Variants in ZNF592 observed in about 807,000 individuals in gnomAD.
The protein encoded by ZNF592 is zinc finger protein 592, also known as spinocerebellar ataxia, autosomal recessive 5.
In ZNF592, 11 loss-of-function variants were observed where a neutral mutation model predicts 80.3. The observed-to-expected ratio is 0.14, with a 90% confidence interval of 0.09 to 0.23. The LOEUF is 0.23. ZNF592 is among the 10% of genes least tolerant of loss of function. The pLI, the probability that ZNF592 is intolerant of heterozygous loss-of-function variation, is 1.00. For synonymous variants in ZNF592, 646 were observed against 640.3 expected, an observed-to-expected ratio of 1.01 and a Z score of -0.13; for missense variants, 1,420 against 1,633.9, an observed-to-expected ratio of 0.87 and a Z score of 2.26.
chr15:84,798,985 T>A lies in ZNF592; in HGVS notation c.3024+110T>A, dbSNP rs1963013753. 1 of 1,589,400 alleles carries A rather than the reference T, an allele frequency of 6.3e-7. No individual in the cohort carries two copies. The highest frequency in any genetic ancestry group is 1.3e-5 in the African/African-American group (1 of 74,440). Reference sequence around the variant, plus strand: ...CTTAGGGCAGGGTGGGTACCACAGATCTTGAGGTCTTCGGGAGTATCCTCC... The same window carrying A: ...CTTAGGGCAGGGTGGGTACCACAGAACTTGAGGTCTTCGGGAGTATCCTCC... On this transcript the variant is annotated intron_variant, in intron 8 of 10. Transcript: ENST00000560079. This position sits in a 1 kb window ranked among gnomAD's most constrained non-coding sequence, Gnocchi z 4.5.
intron 5 of ZNF592, among the ~76,000 whole-genome samples, chr15:84,797,250 C>T (rs1406450276): frequency 1.3e-5 from 2 of 152,212 alleles, no homozygotes; most frequent in Non-Finnish European, 2.9e-5. Flanking sequence ...CGTGACCTAT[C>T]GTGCCCGCCC....
intron 1 of ZNF592, among the ~76,000 whole-genome samples, chr15:84,754,889 G>A (rs1899121551): frequency 3.3e-5 from 5 of 151,940 alleles, no homozygotes; most frequent in Non-Finnish European, 5.9e-5. Flanking sequence ...CAGTATGTGT[G>A]GTGGCGTAGG....
chr15:84,803,187 C>T lies in ZNF592; in HGVS notation c.*794C>T, dbSNP rs1287936638. 1 of 152,638 alleles carries T rather than the reference C, an allele frequency of 6.6e-6. No homozygotes were observed. The highest frequency in any genetic ancestry group is 1.5e-5 in the Non-Finnish European group (1 of 68,058). The allele number at this position is 152,638 out of a possible 1,614,324, so 9.5% of individuals were successfully genotyped here. On this transcript the variant is annotated 3_prime_UTR_variant, in exon 11 of 11. Transcript: ENST00000560079. ...GCACACAGACATTGGAATATTTGTA[C>T]TGCTCTCGTGCCATTTGAGAGGCTG... is the stretch of plus-strand genomic sequence containing the variant.
intron 1 of ZNF592, among the ~76,000 whole-genome samples, chr15:84,758,449 T>C (rs1486550585): frequency 2.0e-5 from 3 of 151,602 alleles, no homozygotes; most frequent in Non-Finnish European, 2.9e-5. Flanking sequence ...CACCAACTAA[T>C]TTTTTTGTAT....
At chr15:84,760,283 C>A (rs1391686442) in intron 1 of ZNF592, among the ~76,000 whole-genome samples, 1 of 152,184 alleles carries the variant, frequency 6.6e-6, no homozygotes, top group Admixed American at 6.5e-5. Flanking sequence ...ATCTCCTACT[C>A]CTTCTGCTTC....
At chr15:84,786,715 G>A (rs1051814625) in intron 4 of ZNF592, among the ~76,000 whole-genome samples, 1 of 152,060 alleles carries the variant, frequency 6.6e-6, no homozygotes, top group Non-Finnish European at 1.5e-5. Context: ...CAGTGTTCTT[G>A]CTGCCCCAGC....
intron 5 of ZNF592, among the ~76,000 whole-genome samples, chr15:84,791,679 A>G (rs772375626): frequency 6.6e-6 from 1 of 152,222 alleles, no homozygotes; most frequent in Non-Finnish European, 1.5e-5. Flanking sequence ...TTACAAACAT[A>G]AGAACATAGG....
chr15:84,796,445 G>A lies in ZNF592; in HGVS notation c.2400-1424G>A, dbSNP rs76910297. Reference sequence around the variant, plus strand: ...ATTGCAACAAAAGGAAGATAAAAAGGAAGAGCAGAGAGGGAAAAGATGTTT... The same window carrying A: ...ATTGCAACAAAAGGAAGATAAAAAGAAAGAGCAGAGAGGGAAAAGATGTTT... On this transcript the variant is annotated intron_variant, in intron 5 of 10. Coordinates refer to ENST00000560079, the MANE Select transcript of ZNF592 (RefSeq NM_014630.3). Among the ~76,000 whole-genome samples the A allele has an allele frequency of 7.1e-3, 1,079 of 151,488 alleles. 10 individuals are homozygous for A. The highest frequency in any genetic ancestry group is 0.011 in the Non-Finnish European group (717 of 67,916).
In ZNF592 at chr15:84,799,281, T is replaced by G. The variant is rs1341410870; in HGVS notation, c.3137+71T>G. 10 of 1,425,404 alleles carry G rather than the reference T, an allele frequency of 7.0e-6. No homozygotes were observed. The highest frequency in any genetic ancestry group is 8.9e-6 in the Non-Finnish European group (9 of 1,008,432). The allele number at this position is 1,425,404 out of a possible 1,614,324, so 88.3% of individuals were successfully genotyped here. A position where few individuals can be genotyped will look rare whatever the true frequency, so the allele number is the denominator to read the frequency against. ...CTCTGTCCGTGGCACCACTGGGGCT[T>G]TTCTGTGCTGCAAGATCAGGTGTCT... is the stretch of plus-strand genomic sequence containing the variant. On this transcript the variant is annotated intron_variant, in intron 9 of 10. Coordinates refer to ENST00000560079, the MANE Select transcript of ZNF592 (RefSeq NM_014630.3). The surrounding 1 kb of genome is among the most constrained non-coding windows in gnomAD (Gnocchi z 4.2).
At chr15:84,751,581 A>T (rs1020632022) in intron 1 of ZNF592, among the ~76,000 whole-genome samples, 2 of 151,990 alleles carry the variant, frequency 1.3e-5, no homozygotes, top group African/African-American at 2.4e-5. Context: ...TTATTATTTT[A>T]AAAATTTTTA....
At chr15:84,775,725 C>T (rs533232792) in intron 2 of ZNF592, among the ~76,000 whole-genome samples, 62 of 152,322 alleles carry the variant, frequency 4.1e-4, no homozygotes, top group Non-Finnish European at 7.1e-4. Context: ...CCACTGCGCC[C>T]GGCCGAATCA....
intron 2 of ZNF592, among the ~76,000 whole-genome samples, chr15:84,767,622 G>C (rs1899567968): frequency 6.6e-6 from 1 of 152,032 alleles, no homozygotes. Context: ...GTATCAGTTT[G>C]TATCTAAATT....
rs778272304 is a variant in ZNF592 at position 84,797,950 on chromosome 15, C to A, written c.2481C>A (p.His827Gln). The A allele has an allele frequency of 5.6e-6, 9 of 1,614,250 alleles. No individual in the cohort carries two copies. Among genetic ancestry groups the A allele is most frequent in the Non-Finnish European group, 5.9e-6 (7 of 1,180,048 alleles). ...AGGAGCGACACTGCCAGGTTTTCCA[C>A]AAATGTGCATTCTGCCCCATGGCCT... ...HIQERHCQVFHKCAFCPMAFK... is the reference protein window; with the variant it reads ...HIQERHCQVFQKCAFCPMAFK... The change falls in exon 6 of 11, where the codon CAC (histidine) becomes CAA (glutamine). Residue 827 changes from histidine (H) to glutamine (Q), a missense_variant. Around this residue, in one of 7 missense-constraint regions of ZNF592, gnomAD observed 13 missense variants for 42.3 expected, o/e 0.31. Coordinates refer to ENST00000560079, the MANE Select transcript of ZNF592 (RefSeq NM_014630.3).
At position 84,799,669 on chromosome 15, in the gene ZNF592, G is replaced by T. The variant is rs766205026; in HGVS notation, c.3138-173G>T. ...GTGTCAAGAGTGCAAGTATTCTGACGTGCTATTGTCTGCTACCTTGGCTGG... is the reference window on the plus strand; with the variant it reads ...GTGTCAAGAGTGCAAGTATTCTGACTTGCTATTGTCTGCTACCTTGGCTGG... On this transcript the variant is annotated intron_variant, in intron 9 of 10. Transcript: ENST00000560079. The surrounding 1 kb of genome is among the most constrained non-coding windows in gnomAD (Gnocchi z 4.2). 5.3e-5 allele frequency among the ~76,000 whole-genome samples: 8 copies of T among 152,186 alleles called. No homozygotes were observed. The highest frequency in any genetic ancestry group is 1.2e-4 in the Non-Finnish European group (8 of 68,028).
intron 1 of ZNF592, among the ~76,000 whole-genome samples, chr15:84,756,954 A>G (rs1899190837): frequency 6.6e-6 from 1 of 152,054 alleles, no homozygotes; most frequent in Non-Finnish European, 1.5e-5. Context: ...TCTACTAAAA[A>G]TACAATAACG....
intron 1 of ZNF592, among the ~76,000 whole-genome samples, chr15:84,764,103 T>C (rs1367107950): frequency 1.3e-5 from 2 of 152,220 alleles, no homozygotes; most frequent in Non-Finnish European, 2.9e-5. Context: ...CCTGCCCCCC[T>C]GGCCCCTGCT....
chr15:84,762,006 A>G (rs1899365664), intron 1 of ZNF592, among the ~76,000 whole-genome samples: 1 of 152,242 alleles, frequency 6.6e-6, no homozygotes, highest in Non-Finnish European at 1.5e-5. Context: ...AGATGAGATC[A>G]GTGAAGAAGT....
In ZNF592 at chr15:84,798,211, G is replaced by C. The variant is rs1248862832; in HGVS notation, c.2577-104G>C. The C allele has an allele frequency of 1.9e-6, 3 of 1,588,884 alleles. No individual in the cohort carries two copies. The highest frequency in any genetic ancestry group is 2.6e-6 in the Non-Finnish European group (3 of 1,163,998). The stretch of plus-strand genomic sequence containing the variant: ...CAGGGGAGCATCCACATTGGCTCAG[G>C]GTAGTGCTTTCCCAAACTTGACCCT... On this transcript the variant is annotated intron_variant, in intron 6 of 10. Coordinates refer to ENST00000560079, the MANE Select transcript of ZNF592 (RefSeq NM_014630.3). This position sits in a 1 kb window ranked among gnomAD's most constrained non-coding sequence, Gnocchi z 4.5.
chr15:84,763,471 A>G (rs557447274), intron 1 of ZNF592, among the ~76,000 whole-genome samples: 3 of 152,184 alleles, frequency 2.0e-5, no homozygotes, highest in East Asian at 1.9e-4. Context: ...TTTATTTACT[A>G]TTGGACAGCA....
Sources: allele counts gnomAD v4.1 joint callset (sites outside exome capture counted in the v4.1 genomes callset), GRCh38; gene constraint gnomAD v4.1.1; regional missense constraint gnomAD v4.1.1; non-coding constraint Gnocchi (gnomAD v3.1); transcripts MANE v1.5; gene names NCBI Gene and HGNC (gene_info 2026-07-23, HGNC 2026-07-21).